ST3GAL3: variants seen among roughly 807,000 people sequenced by gnomAD.
ST3GAL3 encodes ST3 beta-galactoside alpha-2,3-sialyltransferase 3.
Under a neutral mutation model 50.1 loss-of-function variants are expected in ST3GAL3, and 21 were observed. The ratio of observed to expected loss-of-function variants is 0.42; its 90% CI spans 0.30 to 0.60. ST3GAL3 has a LOEUF of 0.60. ST3GAL3 is among the 20% of genes least tolerant of loss of function. The probability of loss-of-function intolerance (pLI) is 0.19; values close to 1 mark genes in which losing one functional copy is unlikely to be tolerated. For synonymous variants in ST3GAL3, 183 were observed against 190.0 expected (o/e 0.96, Z 0.30); for missense variants, 353 against 489.4 (o/e 0.72, Z 2.63).
At chr1:43,908,156 C>T (rs2154282051) in intron 9 of ST3GAL3, among the ~76,000 whole-genome samples, 1 of 152,340 alleles carries the variant, frequency 6.6e-6, no homozygotes, top group East Asian at 1.9e-4. Context: ...ATTGCCTTTG[C>T]CTTCCATATT....
At chr1:43,925,864 T>G (rs2083827979) in intron 11 of ST3GAL3, among the ~76,000 whole-genome samples, 1 of 152,122 alleles carries the variant, frequency 6.6e-6, no homozygotes, top group East Asian at 1.9e-4. Flanking sequence ...GGAAACCCAG[T>G]AAGATGAGGG....
At chr1:43,834,571 T>G (rs2064008506) in intron 4 of ST3GAL3, among the ~76,000 whole-genome samples, 1 of 152,178 alleles carries the variant, frequency 6.6e-6, no homozygotes, top group Non-Finnish European at 1.5e-5. Context: ...AGACACTTCG[T>G]TGACCACAGC....
chr1:43,808,888 T>G (rs116292638), intron 3 of ST3GAL3, among the ~76,000 whole-genome samples: 1 of 152,210 alleles, frequency 6.6e-6, no homozygotes, highest in South Asian at 2.1e-4. Flanking sequence ...AACTGTATAA[T>G]GCATGGGGTA....
At chr1:43,924,607 G>C (rs140135897) in intron 11 of ST3GAL3, among the ~76,000 whole-genome samples, 1 of 152,208 alleles carries the variant, frequency 6.6e-6, no homozygotes, top group Non-Finnish European at 1.5e-5. Context: ...GGGCGAGGCA[G>C]GAACAGAACC....
chr1:43,721,103 G>C (rs1040329684), intron 1 of ST3GAL3, among the ~76,000 whole-genome samples: 3 of 151,874 alleles, frequency 2.0e-5, no homozygotes, highest in African/African-American at 7.3e-5. Flanking sequence ...AAATCAGCCA[G>C]GTGTGGTAGT....
intron 9 of ST3GAL3, among the ~76,000 whole-genome samples, chr1:43,908,597 C>A (rs1364214667): frequency 6.6e-6 from 1 of 151,894 alleles, no homozygotes; most frequent in Non-Finnish European, 1.5e-5. Context: ...CATGATCTGG[C>A]CCCTTCCAAG....
chr1:43,913,973 G>A (rs1167443294), intron 9 of ST3GAL3: 4 of 152,326 alleles, frequency 2.6e-5, no homozygotes, highest in East Asian at 1.9e-4. Context: ...CTGCCTTTGT[G>A]GGAGAGAATT....
intron 3 of ST3GAL3, among the ~76,000 whole-genome samples, chr1:43,795,609 G>A (rs1010463900): frequency 1.3e-5 from 2 of 152,102 alleles, no homozygotes; most frequent in East Asian, 1.9e-4. Context: ...ATACCACATC[G>A]CCAAAAACGT....
In ST3GAL3 at chr1:43,850,669, C is replaced by T. The variant is rs147809349; in HGVS notation, c.302+12358C>T. 2.2e-4 allele frequency: 156 copies of T among 725,000 alleles called. No homozygotes were observed. In the East Asian group the frequency reaches 3.3e-3, roughly 16 times the overall value. The allele number at this position is 725,000 out of a possible 1,614,324, so 44.9% of individuals were successfully genotyped here. On this transcript the variant is annotated intron_variant, in intron 5 of 11. Coordinates refer to ENST00000347631, the MANE Select transcript of ST3GAL3 (RefSeq NM_006279.5). ...GTGCCTTTGATTGAATGGAGATCCA[C>T]GAGGATCAAATGTTTATCAGAACAA...
chr1:43,796,994 G>A (rs1396137595), intron 3 of ST3GAL3, among the ~76,000 whole-genome samples: 2 of 152,088 alleles, frequency 1.3e-5, no homozygotes, highest in African/African-American at 4.8e-5. Flanking sequence ...AACCAGCCTG[G>A]GCAACATTGC....
chr1:43,904,974 C>T, intron 9 of ST3GAL3, among the ~76,000 whole-genome samples: 1 of 56,326 alleles, frequency 1.8e-5, no homozygotes. Context: ...CTTCCTGCTC[C>T]TCTTCCCACC....
chr1:43,782,647 T>TAA (rs1699741108), intron 2 of ST3GAL3, among the ~76,000 whole-genome samples: 1 of 152,188 alleles, frequency 6.6e-6, no homozygotes, highest in East Asian at 1.9e-4. Flanking sequence ...ATGCTGATGA[T>TAA]AAAAACACTA....
intron 5 of ST3GAL3, among the ~76,000 whole-genome samples, chr1:43,857,197 C>CCAGA (rs1188942893): frequency 6.6e-6 from 1 of 152,122 alleles, no homozygotes; most frequent in Non-Finnish European, 1.5e-5. Flanking sequence ...GTAGAATGTC[C>CCAGA]CAGACAGGCA....
chr1:43,904,426 C>T (rs1324882143), intron 9 of ST3GAL3, among the ~76,000 whole-genome samples: 4 of 152,046 alleles, frequency 2.6e-5, no homozygotes, highest in Non-Finnish European at 4.4e-5. Flanking sequence ...GAGACCAGCT[C>T]TTCGAGGATT....
intron 6 of ST3GAL3, 84 bp downstream of exon 6, chr1:43,894,561 G>T: frequency 3.2e-6 from 4 of 1,231,240 alleles, no homozygotes; most frequent in Non-Finnish European, 4.8e-6. Flanking sequence ...ATCCTCAGAA[G>T]TCCCCATGCT....
intron 2 of ST3GAL3, among the ~76,000 whole-genome samples, chr1:43,752,217 T>C (rs1456500631): frequency 1.3e-5 from 2 of 152,216 alleles, no homozygotes; most frequent in Admixed American, 6.5e-5. Flanking sequence ...TTTGATAGTA[T>C]TTCCACATTT....
At chr1:43,896,482 C>T (rs931349969) in intron 6 of ST3GAL3, among the ~76,000 whole-genome samples, 7 of 152,204 alleles carry the variant, frequency 4.6e-5, no homozygotes, top group African/African-American at 1.7e-4. Context: ...CCACTCCATT[C>T]TCTTCCTTCC....
chr1:43,724,399 T>G (rs1388288932), intron 1 of ST3GAL3, among the ~76,000 whole-genome samples: 3 of 149,878 alleles, frequency 2.0e-5, no homozygotes, highest in African/African-American at 7.4e-5. Flanking sequence ...TTTTTTTTTT[T>G]GTAGAGATGG....
chr1:43,775,344 C>T (rs1040961311), intron 2 of ST3GAL3, among the ~76,000 whole-genome samples: 2 of 151,916 alleles, frequency 1.3e-5, no homozygotes, highest in African/African-American at 4.8e-5. Flanking sequence ...AGCGATTCTC[C>T]TGCCTCAGCC....
Sources: gnomAD v4.1 joint callset for allele counts (sites outside exome capture counted in the v4.1 genomes callset) on GRCh38, gnomAD v4.1.1 for gene constraint, MANE v1.5 for transcripts, NCBI Gene and HGNC (gene_info 2026-07-23, HGNC 2026-07-21) for gene names.